Variants in COX10 observed in about 807,000 individuals in gnomAD.
COX10 encodes protoheme IX farnesyltransferase, mitochondrial.
In COX10, 27 loss-of-function variants were observed where a neutral mutation model predicts 37.3. That is an observed-to-expected ratio of 0.72 (90% confidence interval 0.53 to 1.00). The LOEUF (loss-of-function observed/expected upper bound fraction) is 1.00. COX10 is among the 50% of genes least tolerant of loss of function. The pLI, the probability that COX10 is intolerant of heterozygous loss-of-function variation, is 0.00. For synonymous variants in COX10, 222 were observed against 229.1 expected, an observed-to-expected ratio of 0.97 and a Z score of 0.28; for missense variants, 475 against 563.2, an observed-to-expected ratio of 0.84 and a Z score of 1.59.
At chr17:14,171,908 A>G (rs555881710) in intron 5 of COX10, among the ~76,000 whole-genome samples, 1 of 152,046 alleles carries the variant, frequency 6.6e-6, no homozygotes, top group African/African-American at 2.4e-5. Context: ...AGGCACCTAT[A>G]AGCCATCCTA....
chr17:14,160,721 A>G lies in COX10; in HGVS notation c.695+774A>G, dbSNP rs78000897. Among the ~76,000 whole-genome samples, 1,322 of 152,332 alleles carry G rather than the reference A, an allele frequency of 8.7e-3. 58 individuals are homozygous for G. The East Asian group carries it at 0.094, about 11-fold the overall frequency. Reference sequence around the variant, plus strand: ...TGCAGTCAGATTAATCTATGCAGAAATGATCTTTAATATTAGCTGGTTTTA... The same window carrying G: ...TGCAGTCAGATTAATCTATGCAGAAGTGATCTTTAATATTAGCTGGTTTTA... On this transcript the variant is annotated intron_variant, in intron 5 of 6. Transcript: ENST00000261643.
At chr17:14,070,284 A>G (rs1597488672) in intron 1 of COX10, among the ~76,000 whole-genome samples, 3 of 152,166 alleles carry the variant, frequency 2.0e-5, no homozygotes, top group South Asian at 2.1e-4. Context: ...AGACCACCCT[A>G]TATAAACTAG....
chr17:14,199,663 T>C (rs1906468201), intron 6 of COX10, among the ~76,000 whole-genome samples: 1 of 152,242 alleles, frequency 6.6e-6, no homozygotes, highest in Non-Finnish European at 1.5e-5. Context: ...CAAGCAGTTA[T>C]TGCCCACTCT....
chr17:14,095,859 A>T (rs1915638121), intron 3 of COX10, among the ~76,000 whole-genome samples: 1 of 152,194 alleles, frequency 6.6e-6, no homozygotes, highest in African/African-American at 2.4e-5. Flanking sequence ...CCTTGTAAGT[A>T]CATGGCCCTC....
At chr17:14,084,036 G>A (rs1915356337) in intron 3 of COX10, among the ~76,000 whole-genome samples, 1 of 152,108 alleles carries the variant, frequency 6.6e-6, no homozygotes, top group South Asian at 2.1e-4. Context: ...ATCTATCAAT[G>A]TATAAATTTT....
At chr17:14,193,223 T>A (rs1023351026) in intron 6 of COX10, among the ~76,000 whole-genome samples, 1 of 152,192 alleles carries the variant, frequency 6.6e-6, no homozygotes, top group African/African-American at 2.4e-5. Context: ...GCTGCCTGGA[T>A]GGGGAGCCCG....
intron 3 of COX10, among the ~76,000 whole-genome samples, chr17:14,082,089 A>G (rs1413045028): frequency 1.3e-5 from 2 of 152,204 alleles, no homozygotes; most frequent in Non-Finnish European, 2.9e-5. Flanking sequence ...CAGTGAGGTC[A>G]CGGTAGTAAA....
chr17:14,166,913 C>T (rs761265258), intron 5 of COX10, among the ~76,000 whole-genome samples: 3 of 151,172 alleles, frequency 2.0e-5, no homozygotes, highest in Admixed American at 1.3e-4. Flanking sequence ...GGATTGCAGC[C>T]GTGATTGACT....
intron 4 of COX10, among the ~76,000 whole-genome samples, chr17:14,121,682 G>T (rs371783839): frequency 6.6e-6 from 1 of 152,076 alleles, no homozygotes; most frequent in East Asian, 1.9e-4. Context: ...AAAACCTAGT[G>T]GGAAATATAA....
At chr17:14,070,352 A>G (rs1914990339) in intron 1 of COX10, among the ~76,000 whole-genome samples, 1 of 152,106 alleles carries the variant, frequency 6.6e-6, no homozygotes, top group South Asian at 2.1e-4. Flanking sequence ...TATGGTTAGC[A>G]CAGTCTATAC....
chr17:14,097,053 G>A lies in COX10; in HGVS notation c.500-5065G>A, dbSNP rs1286384502. ...GTTTATTTGTGAAAGGGCAGAATAC[G>A]AGATTACCAAATAAAATATAATTTC... On this transcript the variant is annotated intron_variant, in intron 3 of 6. Coordinates refer to ENST00000261643, the MANE Select transcript of COX10 (RefSeq NM_001303.4). Among the ~76,000 whole-genome samples the A allele has an allele frequency of 2.6e-5, 4 of 152,074 alleles. No homozygotes were observed. The South Asian group carries it at 8.3e-4, about 32-fold the overall frequency.
chr17:14,131,455 T>A (rs567113200), intron 4 of COX10, among the ~76,000 whole-genome samples: 3 of 152,130 alleles, frequency 2.0e-5, no homozygotes, highest in African/African-American at 7.2e-5. Flanking sequence ...TCTAGCTTAT[T>A]TTTTTATTTT....
At chr17:14,095,665 G>T (rs924024106) in intron 3 of COX10, among the ~76,000 whole-genome samples, 2 of 152,168 alleles carry the variant, frequency 1.3e-5, no homozygotes, top group Non-Finnish European at 2.9e-5. Flanking sequence ...GGGTCTAACC[G>T]GGCTGAATTC....
rs1459850922 is a variant in COX10, at chr17:14,190,128, C to G, written c.696-1861C>G. On this transcript the variant is annotated intron_variant, in intron 5 of 6. Transcript: ENST00000261643. ...GGCATCTGTTAAGGCGTCTTGGGAG[C>G]TAGAGTGAACCTAGAGCCTTGAGAA... 2.6e-5 allele frequency among the ~76,000 whole-genome samples: 4 copies of G among 152,248 alleles called. No homozygotes were observed. The South Asian group carries it at 8.3e-4, about 32-fold the overall frequency.
At chr17:14,121,014 C>T (rs1286747149) in intron 4 of COX10, among the ~76,000 whole-genome samples, 1 of 152,190 alleles carries the variant, frequency 6.6e-6, no homozygotes, top group African/African-American at 2.4e-5. Flanking sequence ...CTTCTGTAAC[C>T]TGGGTGAATG....
At chr17:14,181,352 A>G (rs1905853007) in intron 5 of COX10, among the ~76,000 whole-genome samples, 1 of 151,648 alleles carries the variant, frequency 6.6e-6, no homozygotes, top group Non-Finnish European at 1.5e-5. Flanking sequence ...TGGTCCTTGT[A>G]GATGTCTGCA....
At chr17:14,128,915 C>T (rs1261783941) in intron 4 of COX10, among the ~76,000 whole-genome samples, 1 of 152,214 alleles carries the variant, frequency 6.6e-6, no homozygotes, top group South Asian at 2.1e-4. Context: ...GGCGCGATCT[C>T]GGCCCACTGC....
intron 4 of COX10, among the ~76,000 whole-genome samples, chr17:14,158,191 C>T (rs1905085349): frequency 6.6e-6 from 1 of 151,130 alleles, no homozygotes; most frequent in South Asian, 2.1e-4. Flanking sequence ...AATAAATAAT[C>T]GTATTGGAAA....
chr17:14,079,637 G>A (rs145317002), intron 3 of COX10, among the ~76,000 whole-genome samples: 32 of 152,076 alleles, frequency 2.1e-4, no homozygotes, highest in Middle Eastern at 6.8e-3. Context: ...TACCTTTTAC[G>A]TATTTTAAAA....
Sources: allele counts gnomAD v4.1 joint callset (sites outside exome capture counted in the v4.1 genomes callset), GRCh38; gene constraint gnomAD v4.1.1; transcripts MANE v1.5; gene names NCBI Gene and HGNC (gene_info 2026-07-23, HGNC 2026-07-21).